GTF2I: variants seen among roughly 807,000 people sequenced by gnomAD.
The protein encoded by GTF2I is general transcription factor II-I.
In GTF2I, 12 loss-of-function variants were observed where a neutral mutation model predicts 67.6. The observed-to-expected ratio is 0.18, with a 90% CI of 0.11 to 0.29. The LOEUF (loss-of-function observed/expected upper bound fraction) is 0.29. Among genes scored for constraint, GTF2I ranks in the 10% least tolerant of loss-of-function variants. The probability of loss-of-function intolerance (pLI) is 1.00; values close to 1 mark genes in which losing one functional copy is unlikely to be tolerated. For synonymous variants in GTF2I, 149 were observed against 197.0 expected, an observed-to-expected ratio of 0.76 and a Z score of 2.04; for missense variants, 271 against 580.1, an observed-to-expected ratio of 0.47 and a Z score of 5.47.
chr7:74,671,706 C>A (rs1422823028), intron 1 of GTF2I, among the ~76,000 whole-genome samples: 3 of 152,104 alleles, frequency 2.0e-5, no homozygotes, highest in Non-Finnish European at 4.4e-5. Context: ...AGCCGGCTGG[C>A]CATGGTGTCT....
At chr7:74,700,142 T>G (rs1201910969) in intron 4 of GTF2I, 105 bp from the exon 5 acceptor site, 5 of 1,131,126 alleles carry the variant, frequency 4.4e-6, no homozygotes, top group Non-Finnish European at 6.3e-6. Context: ...AATCATATAT[T>G]ATAAAAAATC....
intron 1 of GTF2I, among the ~76,000 whole-genome samples, chr7:74,682,840 A>C (rs1455331973): frequency 1.3e-5 from 2 of 152,224 alleles, no homozygotes; most frequent in Non-Finnish European, 2.9e-5. Context: ...AGGAAACTAT[A>C]AAATATGACT....
At chr7:74,685,675 G>A (rs1787650643) in intron 1 of GTF2I, among the ~76,000 whole-genome samples, 2 of 152,034 alleles carry the variant, frequency 1.3e-5, no homozygotes, top group South Asian at 2.1e-4. Context: ...GCTGAAGCAG[G>A]AGAATCGTTT....
At chr7:74,680,999 C>T (rs1237660024) in intron 1 of GTF2I, among the ~76,000 whole-genome samples, 1 of 152,068 alleles carries the variant, frequency 6.6e-6, no homozygotes, top group African/African-American at 2.4e-5. Context: ...ATACAGTAGC[C>T]AACCAGAATC....
At chr7:74,665,495 G>A (rs957561236) in intron 1 of GTF2I, among the ~76,000 whole-genome samples, 2 of 151,960 alleles carry the variant, frequency 1.3e-5, no homozygotes, top group East Asian at 1.9e-4. Flanking sequence ...CAGATGGTCC[G>A]CCCACCTCAG....
intron 3 of GTF2I, among the ~76,000 whole-genome samples, chr7:74,692,831 C>T (rs1026753337): frequency 2.0e-5 from 3 of 152,076 alleles, no homozygotes; most frequent in African/African-American, 7.2e-5. Context: ...GGTGCGATCT[C>T]GGCTCACCGC....
chr7:74,709,779 C>G (rs1263678148), intron 8 of GTF2I, among the ~76,000 whole-genome samples: 2 of 151,416 alleles, frequency 1.3e-5, no homozygotes, highest in Admixed American at 1.3e-4. Context: ...TTCAGGTGAT[C>G]TTTGTGCCTC....
intron 1 of GTF2I, 101 bp downstream of exon 1, chr7:74,658,169 G>A (rs1269222777): frequency 4.0e-5 from 6 of 151,178 alleles, no homozygotes; most frequent in Non-Finnish European, 7.4e-5. Context: ...GGGGCCTGCA[G>A]GGACAGGGGC....
chr7:74,674,981 T>C (rs2131232244), intron 1 of GTF2I, among the ~76,000 whole-genome samples: 1 of 152,256 alleles, frequency 6.6e-6, no homozygotes, highest in Non-Finnish European at 1.5e-5. Flanking sequence ...GTCTCCCAAG[T>C]AGCTGGGATT....
At chr7:74,718,728 T>A in intron 11 of GTF2I, 151 bp from the exon 12 acceptor site, 2 of 527,186 alleles carry the variant, frequency 3.8e-6, no homozygotes, top group Non-Finnish European at 6.6e-6. Context: ...ATGACAAGGG[T>A]CAAATTTTAA....
At chr7:74,685,392 G>A (rs956519206) in intron 1 of GTF2I, among the ~76,000 whole-genome samples, 2 of 152,156 alleles carry the variant, frequency 1.3e-5, no homozygotes, top group Admixed American at 1.3e-4. Flanking sequence ...AGCTACTCGG[G>A]AGGCTGAGGC....
intron 1 of GTF2I, among the ~76,000 whole-genome samples, chr7:74,680,651 A>C (rs1162900657): frequency 1.3e-5 from 2 of 152,106 alleles, no homozygotes; most frequent in African/African-American, 4.8e-5. Context: ...CTGAGGTGGG[A>C]AGATCGCTTG....
At chr7:74,675,709 T>C (rs1347410508) in intron 1 of GTF2I, among the ~76,000 whole-genome samples, 1 of 152,042 alleles carries the variant, frequency 6.6e-6, no homozygotes, top group Non-Finnish European at 1.5e-5. Flanking sequence ...GTGTATAGTG[T>C]GGTTTGAAAG....
At chr7:74,671,056 G>A (rs1487620418) in intron 1 of GTF2I, among the ~76,000 whole-genome samples, 1 of 140,694 alleles carries the variant, frequency 7.1e-6, no homozygotes, top group African/African-American at 2.6e-5. Flanking sequence ...AGCTGAACTT[G>A]TGATCCACTG....
chr7:74,666,467 C>T (rs1409194791), intron 1 of GTF2I, among the ~76,000 whole-genome samples: 1 of 152,060 alleles, frequency 6.6e-6, no homozygotes, highest in Non-Finnish European at 1.5e-5. Context: ...GAGAAATAGA[C>T]CCTGCAAGAT....
chr7:74,679,646 C>T (rs1787040057), intron 1 of GTF2I, among the ~76,000 whole-genome samples: 1 of 152,078 alleles, frequency 6.6e-6, no homozygotes, highest in African/African-American at 2.4e-5. Context: ...ATTAAAAAGG[C>T]AGTTTGGTCT....
chr7:74,695,101 A>G (rs958365179), intron 3 of GTF2I, among the ~76,000 whole-genome samples: 3 of 152,214 alleles, frequency 2.0e-5, no homozygotes, highest in African/African-American at 7.2e-5. Flanking sequence ...GGAGGTGTAT[A>G]AGGAGATGCT....
At chr7:74,668,816 C>T (rs1805206586) in intron 1 of GTF2I, among the ~76,000 whole-genome samples, 1 of 152,072 alleles carries the variant, frequency 6.6e-6, no homozygotes, top group South Asian at 2.1e-4. Context: ...TCGTGATCCA[C>T]CTGCCTTGGC....
intron 1 of GTF2I, among the ~76,000 whole-genome samples, chr7:74,671,819 C>CA (rs1490344502): frequency 7.3e-5 from 11 of 150,648 alleles, no homozygotes; most frequent in South Asian, 2.1e-4. Flanking sequence ...CTGTCTCTAC[C>CA]AAAAAATCAA....
Sources: gnomAD v4.1 joint callset for allele counts (sites outside exome capture counted in the v4.1 genomes callset) on GRCh38, gnomAD v4.1.1 for gene constraint, MANE v1.5 for transcripts, NCBI Gene and HGNC (gene_info 2026-07-23, HGNC 2026-07-21) for gene names.